Variants in EYA2 observed in about 807,000 individuals in gnomAD.
EYA2 encodes protein phosphatase EYA2.
A neutral mutation model predicts 69.2 loss-of-function variants in EYA2; 31 were observed. The observed-to-expected ratio is 0.45, with a 90% CI of 0.34 to 0.60. EYA2 has a LOEUF of 0.60. EYA2 is among the 20% of genes least tolerant of loss of function. EYA2 has a pLI of 0.02. For missense variants in EYA2, 622 were observed against 701.2 expected (o/e 0.89, Z 1.28); for synonymous variants, 257 against 279.4 (o/e 0.92, Z 0.80).
intron 7 of EYA2, among the ~76,000 whole-genome samples, chr20:47,078,223 G>A (rs749853253): frequency 6.6e-6 from 1 of 152,150 alleles, no homozygotes; most frequent in Non-Finnish European, 1.5e-5. Flanking sequence ...ATCTAATGAC[G>A]TAAATAATGG....
chr20:46,999,485 T>C (rs1982225437), intron 2 of EYA2, among the ~76,000 whole-genome samples: 1 of 152,232 alleles, frequency 6.6e-6, no homozygotes, highest in South Asian at 2.1e-4. Context: ...ATGCGAAATA[T>C]ATTTCTGCAT....
rs1600658161 is a variant in EYA2 at position 47,035,281 on chromosome 20, G to A, written c.415+18984G>A. On this transcript the variant is annotated intron_variant, in intron 5 of 15. Coordinates refer to ENST00000327619, the MANE Select transcript of EYA2 (RefSeq NM_005244.5). ...TTAGTCTCAGTCTGAGACGGTGGCG[G>A]CAAAGATGGTCTAGGCCCCAGCAAG... 2.0e-5 allele frequency among the ~76,000 whole-genome samples: 3 copies of A among 152,318 alleles called. No individual in the cohort carries two copies. In the South Asian group the frequency reaches 6.2e-4, roughly 32 times the overall value.
intron 1 of EYA2, among the ~76,000 whole-genome samples, chr20:46,988,014 A>G (rs896322197): frequency 7.5e-6 from 1 of 132,546 alleles, no homozygotes; most frequent in Non-Finnish European, 1.6e-5. Context: ...AAAAAAAAAT[A>G]CAGAATAAAA....
At chr20:46,992,757 C>T (rs1033634073) in intron 2 of EYA2, among the ~76,000 whole-genome samples, 6 of 152,154 alleles carry the variant, frequency 3.9e-5, no homozygotes, top group Admixed American at 6.5e-5. Flanking sequence ...AGGTTGCTCC[C>T]AAATTCAGAA....
intron 6 of EYA2, 39 bp downstream of exon 6, chr20:47,072,291 T>C: frequency 1.3e-6 from 2 of 1,572,526 alleles, no homozygotes; most frequent in Non-Finnish European, 1.7e-6. Flanking sequence ...CTCAGTTCTT[T>C]CTGGAAATAT....
intron 9 of EYA2, among the ~76,000 whole-genome samples, chr20:47,106,319 G>A (rs758162126): frequency 3.3e-5 from 5 of 152,176 alleles, no homozygotes; most frequent in Non-Finnish European, 7.4e-5. Flanking sequence ...CTCAGTAAAC[G>A]TTTGTTGATT....
chr20:47,099,339 T>C (rs1203964987), intron 9 of EYA2, among the ~76,000 whole-genome samples: 1 of 152,250 alleles, frequency 6.6e-6, no homozygotes, highest in Admixed American at 6.5e-5. Context: ...GAGGCCAGCC[T>C]GGGCAACATA....
chr20:46,919,694 G>A (rs2023069998), intron 1 of EYA2, among the ~76,000 whole-genome samples: 1 of 152,232 alleles, frequency 6.6e-6, no homozygotes, highest in Non-Finnish European at 1.5e-5. Flanking sequence ...TCACTCGTGT[G>A]TTCACGGGAG....
intron 5 of EYA2, among the ~76,000 whole-genome samples, chr20:47,023,632 G>GTTTTTTTTTTTTTT (rs60939329): frequency 3.3e-5 from 3 of 90,116 alleles, no homozygotes; most frequent in African/African-American, 8.6e-5. Context: ...GATTTTGGGT[G>GTTTTTTTTTTTTTT]TTTTTTTTTT....
intron 9 of EYA2, among the ~76,000 whole-genome samples, chr20:47,097,877 G>A (rs1433711056): frequency 6.6e-6 from 1 of 152,176 alleles, no homozygotes; most frequent in African/African-American, 2.4e-5. Flanking sequence ...CGCATGGGGT[G>A]GAAGGGCAGT....
intron 10 of EYA2, among the ~76,000 whole-genome samples, chr20:47,156,332 T>G (rs573977581): frequency 1.9e-4 from 28 of 149,244 alleles, no homozygotes; most frequent in African/African-American, 6.1e-4. Flanking sequence ...AGACTCCATC[T>G]CAAAAAATAA....
At chr20:47,010,702 TATAA>T (rs1037154038) in intron 4 of EYA2, among the ~76,000 whole-genome samples, 8 of 150,594 alleles carry the variant, frequency 5.3e-5, no homozygotes, top group Non-Finnish European at 1.2e-4. Context: ...TGTGTACAAA[TATAA>T]ATATAATATA....
intron 5 of EYA2, among the ~76,000 whole-genome samples, chr20:47,042,926 G>A (rs6018239): frequency 1.2e-4 from 18 of 152,318 alleles, no homozygotes; most frequent in African/African-American, 4.1e-4. Context: ...CTGCAAGGGA[G>A]ATAGAGAAGT....
At chr20:46,955,907 A>G (rs186445719) in intron 1 of EYA2, among the ~76,000 whole-genome samples, 80 of 152,308 alleles carry the variant, frequency 5.3e-4, no homozygotes, top group African/African-American at 1.9e-3. Flanking sequence ...TGCAATCTCC[A>G]TTTCAACTAC....
intron 4 of EYA2, among the ~76,000 whole-genome samples, chr20:47,013,089 C>A (rs975272715): frequency 1.3e-5 from 2 of 152,188 alleles, no homozygotes; most frequent in Admixed American, 6.5e-5. Flanking sequence ...ATTTTCTTTT[C>A]TTTCATAGTC....
chr20:46,990,152 G>C (rs73911842), intron 2 of EYA2, 33 bp downstream of exon 2: 1 of 1,222,956 alleles, frequency 8.2e-7, no homozygotes, highest in Non-Finnish European at 1.2e-6. Flanking sequence ...GGGTCAACAG[G>C]TGTGGTGGTC....
rs143040037 is a variant in EYA2, at chr20:46,953,407, C to T, written c.-10-36594C>T. On this transcript the variant is annotated intron_variant, in intron 1 of 15. Coordinates refer to ENST00000327619, the MANE Select transcript of EYA2 (RefSeq NM_005244.5). ...TGGGGAATGGTTATGTTTTCCTGTT[C>T]GGTGGAAAGGAAGCATCAACATAGA... Among the ~76,000 whole-genome samples the T allele has an allele frequency of 3.0e-3, 451 of 152,112 alleles. 3 individuals carry two copies. The highest frequency in any genetic ancestry group is 2.9e-3 in the Non-Finnish European group (194 of 67,996).
intron 5 of EYA2, among the ~76,000 whole-genome samples, chr20:47,027,338 A>G (rs1050499424): frequency 3.3e-5 from 5 of 152,166 alleles, no homozygotes; most frequent in African/African-American, 9.7e-5. Flanking sequence ...TTGGCATCCT[A>G]TGGGTTGTTG....
At chr20:47,120,900 TA>T (rs1442499237) in intron 9 of EYA2, among the ~76,000 whole-genome samples, 1 of 152,228 alleles carries the variant, frequency 6.6e-6, no homozygotes, top group Non-Finnish European at 1.5e-5. Flanking sequence ...GGTGTCCAGA[TA>T]ATACTGGCCT....
Sources: gnomAD v4.1 joint callset for allele counts (sites outside exome capture counted in the v4.1 genomes callset) on GRCh38, gnomAD v4.1.1 for gene constraint, MANE v1.5 for transcripts, NCBI Gene and HGNC (gene_info 2026-07-23, HGNC 2026-07-21) for gene names.